Variants in PTPN21 observed in about 807,000 individuals in gnomAD.
PTPN21 encodes the protein tyrosine-protein phosphatase non-receptor type 21.
PTPN21 carries 77 observed loss-of-function variants against 131.8 expected under a neutral mutation model. That is an observed-to-expected ratio of 0.58 (90% CI 0.49 to 0.71). PTPN21 has a LOEUF of 0.71. Ranked by LOEUF, PTPN21 falls within the 30% of genes least tolerant of loss-of-function variation. The pLI, the probability that PTPN21 is intolerant of heterozygous loss-of-function variation, is 0.00. For synonymous variants in PTPN21, 715 were observed against 621.3 expected, an observed-to-expected ratio of 1.15 and a Z score of -2.24; for missense variants, 1,552 against 1,527.1, an observed-to-expected ratio of 1.02 and a Z score of -0.27.
intron 10 of PTPN21, among the ~76,000 whole-genome samples, chr14:88,491,185 T>C (rs977813484): frequency 6.6e-6 from 1 of 152,242 alleles, no homozygotes; most frequent in Non-Finnish European, 1.5e-5. Context: ...GATCATTCTG[T>C]TATCTAATGC....
At chr14:88,468,292 A>G (rs1595333007) in intron 18 of PTPN21, 27 bp from the exon 19 acceptor site, 2 of 1,574,472 alleles carry the variant, frequency 1.3e-6, no homozygotes, top group Non-Finnish European at 1.7e-6. Flanking sequence ...GGTAATGAAG[A>G]TAATGTGTTC....
In PTPN21 at chr14:88,467,640, CATG is replaced by C. The variant is rs1241191619; in HGVS notation, c.*494_*496del. ...TTTAAAAAATAACAAAAGATAATAA[CATG>C]ATTTTTAAATACAAAGTTATATAGG... On this transcript the variant is annotated 3_prime_UTR_variant, in exon 19 of 19. Coordinates refer to ENST00000556564, the MANE Select transcript of PTPN21 (RefSeq NM_007039.4). 6.6e-6 allele frequency: 1 copy of C among 151,448 alleles called. No individual in the cohort carries two copies. Among genetic ancestry groups the C allele is most frequent in the Non-Finnish European group, 1.5e-5 (1 of 68,244 alleles). The allele number at this position is 151,448 out of a possible 1,614,324, so 9.4% of individuals were successfully genotyped here.
At chr14:88,511,116 A>G (rs190558057) in intron 3 of PTPN21, among the ~76,000 whole-genome samples, 5 of 152,062 alleles carry the variant, frequency 3.3e-5, no homozygotes, top group Admixed American at 6.6e-5. Flanking sequence ...GGGTCTCTCT[A>G]TGTTGCCTGG....
intron 4 of PTPN21, among the ~76,000 whole-genome samples, chr14:88,506,719 A>G (rs917232098): frequency 2.0e-5 from 3 of 152,242 alleles, no homozygotes; most frequent in African/African-American, 7.2e-5. Flanking sequence ...GTACAGCCAA[A>G]TCTCAGAAAT....
At chr14:88,526,213 G>T (rs1490485262) in intron 2 of PTPN21, among the ~76,000 whole-genome samples, 4 of 152,086 alleles carry the variant, frequency 2.6e-5, no homozygotes, top group Non-Finnish European at 5.9e-5. Flanking sequence ...GAAATAGACA[G>T]TATTGTAATC....
chr14:88,512,016 G>A (rs753950628), intron 3 of PTPN21, among the ~76,000 whole-genome samples: 4 of 151,986 alleles, frequency 2.6e-5, no homozygotes, highest in African/African-American at 9.7e-5. Flanking sequence ...TGTAGGCATC[G>A]GCATTTTTAT....
intron 13 of PTPN21, among the ~76,000 whole-genome samples, chr14:88,474,224 CTG>C (rs1308244933): frequency 2.0e-5 from 3 of 146,960 alleles, no homozygotes; most frequent in Non-Finnish European, 4.5e-5. Flanking sequence ...GGGTCTCACT[CTG>C]TCACCCAGGC....
chr14:88,517,094 G>A lies in PTPN21; in HGVS notation c.348C>T (p.Thr116=). ...PSVSQLQQEI[T]RYQYYLQLKK... ...ACAAACGGCATGTAATTTCTCACCT[G>A]GTAATCTCCTGCTGCAGCTGAGAAA... Residue 116 remains threonine (T), a splice_region_variant and synonymous_variant, in exon 3 of 19, where the codon ACC becomes ACT. Transcript: ENST00000556564. 6.2e-7 allele frequency: 1 copy of A among 1,612,966 alleles called. No individual in the cohort carries two copies. The highest frequency in any genetic ancestry group is 8.5e-7 in the Non-Finnish European group (1 of 1,179,234).
chr14:88,506,560 G>A (rs1191936041), intron 4 of PTPN21, among the ~76,000 whole-genome samples: 1 of 152,076 alleles, frequency 6.6e-6, no homozygotes, highest in African/African-American at 2.4e-5. Context: ...TTAGAGGCGT[G>A]AGACACCGCA....
intron 3 of PTPN21, among the ~76,000 whole-genome samples, 153 bp downstream of exon 3, chr14:88,516,939 A>G (rs761411880): frequency 6.6e-6 from 1 of 152,212 alleles, no homozygotes; most frequent in Non-Finnish European, 1.5e-5. Flanking sequence ...ACACTCTGAC[A>G]TGCCACATAT....
intron 2 of PTPN21, chr14:88,547,595 T>C (rs75495368): frequency 3.1e-5 from 14 of 447,766 alleles, no homozygotes; most frequent in East Asian, 2.2e-4. Flanking sequence ...TGAGGATGCA[T>C]TGAGCTATGA....
intron 10 of PTPN21, among the ~76,000 whole-genome samples, chr14:88,488,146 A>T (rs1352718396): frequency 2.0e-5 from 3 of 152,160 alleles, no homozygotes; most frequent in Non-Finnish European, 4.4e-5. Context: ...GAACTTAAGA[A>T]ACTTTTAAAG....
intron 6 of PTPN21, among the ~76,000 whole-genome samples, chr14:88,501,980 A>T (rs888255618): frequency 2.6e-5 from 4 of 152,090 alleles, no homozygotes; most frequent in Non-Finnish European, 4.4e-5. Flanking sequence ...AAAACAAAAA[A>T]AAACAAAAAT....
At chr14:88,553,101 C>T (rs1157703425) in intron 1 of PTPN21, among the ~76,000 whole-genome samples, 1 of 152,174 alleles carries the variant, frequency 6.6e-6, no homozygotes, top group Non-Finnish European at 1.5e-5. Context: ...ATAGATACTA[C>T]ACTGTATAAC....
chr14:88,548,508 C>G (rs1016252185), intron 2 of PTPN21, among the ~76,000 whole-genome samples: 10 of 152,186 alleles, frequency 6.6e-5, no homozygotes, highest in African/African-American at 2.2e-4. Context: ...GCTGCACCTC[C>G]CTCTGGCCTA....
intron 3 of PTPN21, among the ~76,000 whole-genome samples, chr14:88,509,766 C>A (rs769226729): frequency 8.5e-5 from 13 of 152,140 alleles, no homozygotes; most frequent in Non-Finnish European, 1.6e-4. Context: ...CTGGGTGCAG[C>A]GGCTCATGCC....
chr14:88,547,212 G>A (rs1413082274), intron 2 of PTPN21, among the ~76,000 whole-genome samples: 1 of 151,192 alleles, frequency 6.6e-6, no homozygotes, highest in East Asian at 1.9e-4. Context: ...ATAAACCACA[G>A]TTCCTCAAGA....
chr14:88,479,734 G>A lies in PTPN21; in HGVS notation c.1697C>T (p.Pro566Leu), dbSNP rs1262180991. 3 of 1,417,636 alleles carry A rather than the reference G, an allele frequency of 2.1e-6. No individual in the cohort carries two copies. The Admixed American group carries it at 6.0e-5, about 28-fold the overall frequency. The allele number at this position is 1,417,636 out of a possible 1,614,324, so 87.8% of individuals were successfully genotyped here. A position where few individuals can be genotyped will look rare whatever the true frequency, so the allele number is the denominator to read the frequency against. The change falls in exon 13 of 19, where the codon CCC becomes CTC. Residue 566 changes from proline to leucine, a missense_variant. Coordinates refer to ENST00000556564, the MANE Select transcript of PTPN21 (RefSeq NM_007039.4). ...NIMRTQVYRPPPPYPPPRPAN... is the reference protein window; with the variant it reads ...NIMRTQVYRPLPPYPPPRPAN... The stretch of plus-strand genomic sequence containing the variant: ...GGGCCTGGGGGGCGGGTAGGGTGGG[G>A]GTGGCCGGTACACCTGCGTCCGCAT...
At chr14:88,547,311 A>C in intron 2 of PTPN21, among the ~76,000 whole-genome samples, 1 of 126,988 alleles carries the variant, frequency 7.9e-6, no homozygotes, top group Middle Eastern at 3.9e-3. Context: ...AAAAAAAAAA[A>C]AGTCGAAGCA....
Sources: gnomAD v4.1 joint callset for allele counts (sites outside exome capture counted in the v4.1 genomes callset) on GRCh38, gnomAD v4.1.1 for gene constraint, MANE v1.5 for transcripts, NCBI Gene and HGNC (gene_info 2026-07-23, HGNC 2026-07-21) for gene names.